Variants in DSG1 observed in about 807,000 individuals in gnomAD.
DSG1 encodes desmoglein 1.
A neutral mutation model predicts 97.5 loss-of-function variants in DSG1; 39 were observed. The ratio of observed to expected loss-of-function variants is 0.40; its 90% CI spans 0.31 to 0.52. The LOEUF is 0.52. DSG1 is among the 20% of genes least tolerant of loss of function. The pLI, the probability that DSG1 is intolerant of heterozygous loss-of-function variation, is 0.53. For synonymous variants in DSG1, 475 were observed against 443.4 expected, an observed-to-expected ratio of 1.07 and a Z score of -0.90; for missense variants, 1,311 against 1,295.4, an observed-to-expected ratio of 1.01 and a Z score of -0.18.
chr18:31,320,347 G>A (rs1200999066), intron 1 of DSG1, among the ~76,000 whole-genome samples: 5 of 152,114 alleles, frequency 3.3e-5, no homozygotes, highest in African/African-American at 1.2e-4. Context: ...TCAATAAGCG[G>A]GAACCTGCAT....
chr18:31,340,209 G>T (rs375842827), intron 11 of DSG1, among the ~76,000 whole-genome samples, 184 bp downstream of exon 11: 16 of 152,030 alleles, frequency 1.1e-4, no homozygotes, highest in African/African-American at 3.9e-4. Context: ...CCCCTTCTAA[G>T]ACTGTGGAGG....
In DSG1 at chr18:31,326,993, C is replaced by A; in HGVS notation, c.204C>A (p.Asn68Lys). 1.2e-6 allele frequency: 2 copies of A among 1,613,732 alleles called. No individual in the cohort carries two copies. ...CREGEDNSKR[N>K]PIAKIHSDCA... ...AAGGTGAAGACAACTCAAAGAGGAA[C>A]CCAATCGCCAAAGTAGGTATCAACT... Residue 68 changes from asparagine to lysine, a missense_variant, in exon 3 of 15, where the codon AAC (asparagine) becomes AAA (lysine). Physicochemically the swap from Asn to Lys is moderately conservative, Grantham distance 94. Coordinates refer to ENST00000257192, the MANE Select transcript of DSG1 (RefSeq NM_001942.4).
chr18:31,319,567 TG>T (rs1568037947), intron 1 of DSG1, among the ~76,000 whole-genome samples: 1 of 152,120 alleles, frequency 6.6e-6, no homozygotes, highest in Non-Finnish European at 1.5e-5. Flanking sequence ...ACTTAGGATT[TG>T]GTAGGGATCA....
chr18:31,332,914 T>C (rs2071729662), intron 6 of DSG1, among the ~76,000 whole-genome samples: 1 of 152,142 alleles, frequency 6.6e-6, no homozygotes. Flanking sequence ...GGTAAAGCAC[T>C]GTAAGAAAGG....
chr18:31,336,914 C>A (rs1598704761), intron 9 of DSG1, among the ~76,000 whole-genome samples: 1 of 152,186 alleles, frequency 6.6e-6, no homozygotes, highest in East Asian at 1.9e-4. Context: ...TACCACAGGC[C>A]GTGATTCGTC....
In DSG1 at chr18:31,354,543, G is replaced by A. The variant is rs367854922; in HGVS notation, c.2347G>A (p.Val783Ile). 7.4e-6 allele frequency: 12 copies of A among 1,614,164 alleles called. No individual in the cohort carries two copies. Among genetic ancestry groups the A allele is most frequent in the Non-Finnish European group, 9.3e-6 (11 of 1,180,028 alleles). Residue 783 changes from valine (V) to isoleucine (I), a missense_variant, in exon 15 of 15, where the codon GTT (valine) becomes ATT (isoleucine). Transcript: ENST00000257192. ...TTGGCCACCACAAAGCACTGAACCAGTTTGCCTTCCTCAGGAAACAGAGCC... is the reference window on the plus strand; with the variant it reads ...TTGGCCACCACAAAGCACTGAACCAATTTGCCTTCCTCAGGAAACAGAGCC... Reference protein sequence around the residue: ...PSWPPQSTEPVCLPQETEPVV... With the variant: ...PSWPPQSTEPICLPQETEPVV...
At chr18:31,353,488 T>C (rs1158965951) in intron 14 of DSG1, among the ~76,000 whole-genome samples, 3 of 152,150 alleles carry the variant, frequency 2.0e-5, no homozygotes, top group Non-Finnish European at 4.4e-5. Flanking sequence ...TGAGCTGTGG[T>C]GGGCTCCACC....
intron 14 of DSG1, among the ~76,000 whole-genome samples, chr18:31,350,952 T>G (rs1481626963): frequency 6.6e-6 from 1 of 150,556 alleles, no homozygotes; most frequent in Admixed American, 6.6e-5. Context: ...GAAGGGTTTT[T>G]TGTGTCTCTA....
chr18:31,345,539 A>G (rs2071825287), intron 13 of DSG1: 1 of 171,484 alleles, frequency 5.8e-6, no homozygotes, highest in Admixed American at 5.8e-5. Context: ...TCTTCATGAA[A>G]ACCTTTCTCC....
chr18:31,350,942 G>T (rs555370056), intron 14 of DSG1, among the ~76,000 whole-genome samples: 220 of 150,440 alleles, frequency 1.5e-3, no homozygotes, highest in Middle Eastern at 0.01. Context: ...TTAATTTTTT[G>T]AAGGGTTTTT....
intron 13 of DSG1, among the ~76,000 whole-genome samples, chr18:31,344,446 A>T (rs9948802): frequency 0.41 from 62,063 of 152,076 alleles, 14,028 homozygotes; most frequent in South Asian, 0.54. Flanking sequence ...TAATTTAAGG[A>T]TTCAAAATTG....
At chr18:31,327,105 G>T (rs933865130) in intron 3 of DSG1, 100 bp downstream of exon 3, 3 of 1,458,066 alleles carry the variant, frequency 2.1e-6, no homozygotes, top group African/African-American at 1.4e-5. Context: ...TCACCGAGAA[G>T]CTACGATACA....
intron 11 of DSG1, among the ~76,000 whole-genome samples, chr18:31,342,121 A>T (rs1352812074): frequency 6.6e-6 from 1 of 152,018 alleles, no homozygotes; most frequent in African/African-American, 2.4e-5. Context: ...TTTAGTAAAG[A>T]TGGGGTTTCA....
rs138930324 is a variant in DSG1 at position 31,328,190 on chromosome 18, T to C, written c.218T>C (p.Ile73Thr). Reference sequence around the variant, plus strand: ...TTTTTACTTGTGTTCCTTCTGCAGATTCACTCAGATTGTGCTGCAAACCAG... The same window carrying C: ...TTTTTACTTGTGTTCCTTCTGCAGACTCACTCAGATTGTGCTGCAAACCAG... ...DNSKRNPIAKIHSDCAANQQV... is the reference protein window; with the variant it reads ...DNSKRNPIAKTHSDCAANQQV... Residue 73 changes from isoleucine to threonine, a missense_variant and splice_region_variant, in exon 4 of 15, where the codon ATT (isoleucine) becomes ACT (threonine). Around this residue, in one of 3 missense-constraint regions of DSG1, gnomAD observed 259 missense variants for 304.1 expected, o/e 0.85. Coordinates refer to ENST00000257192, the MANE Select transcript of DSG1 (RefSeq NM_001942.4). 1.9e-6 allele frequency: 3 copies of C among 1,613,188 alleles called. No individual in the cohort carries two copies. In the African/African-American group the frequency reaches 4.0e-5, roughly 22 times the overall value.
chr18:31,329,516 T>C (rs2071707739), intron 4 of DSG1, among the ~76,000 whole-genome samples: 1 of 152,068 alleles, frequency 6.6e-6, no homozygotes, highest in Admixed American at 6.6e-5. Flanking sequence ...TCTTGGGGCA[T>C]AATGCATTTT....
rs1262485475 is a variant in DSG1 at position 31,329,888 on chromosome 18, C to G, written c.373-4C>G. 7 of 1,612,680 alleles carry G rather than the reference C, an allele frequency of 4.3e-6. No homozygotes were observed. The highest frequency in any genetic ancestry group is 5.9e-6 in the Non-Finnish European group (7 of 1,179,098). ...TGTATAATTATTTATCTTTTCTCTC[C>G]CAGATCTACTGCCGAGCTCTGAACT... On this transcript the variant is annotated splice_region_variant and splice_polypyrimidine_tract_variant and intron_variant, in intron 4 of 14. Coordinates refer to ENST00000257192, the MANE Select transcript of DSG1 (RefSeq NM_001942.4).
intron 1 of DSG1, among the ~76,000 whole-genome samples, chr18:31,324,302 T>TTG (rs1568039172): frequency 6.6e-6 from 1 of 150,496 alleles, no homozygotes; most frequent in African/African-American, 2.4e-5. Context: ...TTTTTTTTTT[T>TTG]TTTGTTTGTT....
At chr18:31,322,332 C>G (rs2071659578) in intron 1 of DSG1, among the ~76,000 whole-genome samples, 1 of 152,136 alleles carries the variant, frequency 6.6e-6, no homozygotes, top group Non-Finnish European at 1.5e-5. Flanking sequence ...AGCTCTTCCC[C>G]CACACACTCC....
At chr18:31,331,976 T>C in intron 6 of DSG1, 109 bp downstream of exon 6, 1 of 1,081,786 alleles carries the variant, frequency 9.2e-7, no homozygotes, top group Non-Finnish European at 1.3e-6. Context: ...AATTTTTACT[T>C]GTATAACTTT....
Sources: allele counts gnomAD v4.1 joint callset (sites outside exome capture counted in the v4.1 genomes callset), GRCh38; gene constraint gnomAD v4.1.1; regional missense constraint gnomAD v4.1.1; transcripts MANE v1.5; gene names NCBI Gene and HGNC (gene_info 2026-07-23, HGNC 2026-07-21).